Variants in HSD17B2 observed in about 807,000 individuals in gnomAD.
The protein encoded by HSD17B2 is hydroxysteroid 17-beta dehydrogenase 2.
A neutral mutation model predicts 26.9 loss-of-function variants in HSD17B2; 32 were observed. The ratio of observed to expected loss-of-function variants is 1.19; its 90% CI spans 0.90 to 1.60. The LOEUF (loss-of-function observed/expected upper bound fraction) is 1.60, where lower values mean the gene tolerates loss of function less well. Among genes scored for constraint, HSD17B2 ranks in the 40% most tolerant of loss-of-function variants. The pLI is 0.00. For synonymous variants in HSD17B2, 246 were observed against 186.7 expected (o/e 1.32, Z -2.59); for missense variants, 613 against 468.6 (o/e 1.31, Z -2.85).
chr16:82,042,033 C>T (rs1038682453), intron 1 of HSD17B2, among the ~76,000 whole-genome samples: 7 of 150,336 alleles, frequency 4.7e-5, no homozygotes, highest in Admixed American at 6.6e-5. Context: ...CACAGAGTCT[C>T]GCTCTGTCAC....
intron 1 of HSD17B2, among the ~76,000 whole-genome samples, chr16:82,048,230 G>A (rs1159523441): frequency 6.6e-6 from 1 of 152,182 alleles, no homozygotes; most frequent in Non-Finnish European, 1.5e-5. Context: ...GGGCGGTGGG[G>A]TCCACTCATA....
At chr16:82,091,786 T>C (rs1413350386) in intron 4 of HSD17B2, 1 of 152,408 alleles carries the variant, frequency 6.6e-6, no homozygotes, top group Non-Finnish European at 1.5e-5. Context: ...AGGGCTTGGG[T>C]TGCATGGGCC....
intron 1 of HSD17B2, among the ~76,000 whole-genome samples, chr16:82,053,425 TTTTA>T (rs991585511): frequency 1.8e-4 from 27 of 152,098 alleles, no homozygotes; most frequent in Middle Eastern, 3.4e-3. Context: ...GAGTTTTAAT[TTTTA>T]TTTATTTATT....
At chr16:82,085,486 A>T (rs1391737616) in intron 3 of HSD17B2, among the ~76,000 whole-genome samples, 1 of 152,170 alleles carries the variant, frequency 6.6e-6, no homozygotes, top group Non-Finnish European at 1.5e-5. Flanking sequence ...TAAAGTCAGG[A>T]TATGAACCGG....
chr16:82,053,486 A>AT (rs1247974698), intron 1 of HSD17B2, among the ~76,000 whole-genome samples: 1 of 152,118 alleles, frequency 6.6e-6, no homozygotes, highest in East Asian at 1.9e-4. Flanking sequence ...GAAAACTAAG[A>AT]TAAAAAATGC....
At chr16:82,057,248 G>C (rs1340448598) in intron 1 of HSD17B2, among the ~76,000 whole-genome samples, 3 of 150,974 alleles carry the variant, frequency 2.0e-5, no homozygotes, top group African/African-American at 7.3e-5. Context: ...CACCAGGCTA[G>C]AGTGCAGTGG....
intron 3 of HSD17B2, among the ~76,000 whole-genome samples, chr16:82,083,093 G>A (rs577510419): frequency 1.3e-5 from 2 of 152,254 alleles, no homozygotes; most frequent in African/African-American, 2.4e-5. Flanking sequence ...ACTGTTAGAT[G>A]CTTGTTCCAG....
chr16:82,095,896 T>G (rs1477940081), intron 4 of HSD17B2: 1 of 152,226 alleles, frequency 6.6e-6, no homozygotes, highest in Non-Finnish European at 1.5e-5. Flanking sequence ...TATGTATGTT[T>G]GTATGAACAA....
intron 1 of HSD17B2, among the ~76,000 whole-genome samples, chr16:82,036,260 A>C (rs1459224896): frequency 6.6e-6 from 1 of 151,600 alleles, no homozygotes; most frequent in African/African-American, 2.4e-5. Flanking sequence ...AATTGGACCA[A>C]CTTGGCATCG....
At chr16:82,049,523 C>T (rs531904483) in intron 1 of HSD17B2, among the ~76,000 whole-genome samples, 1 of 152,318 alleles carries the variant, frequency 6.6e-6, no homozygotes, top group African/African-American at 2.4e-5. Context: ...AATATATCTC[C>T]TGCTTTGAGT....
intron 3 of HSD17B2, among the ~76,000 whole-genome samples, chr16:82,076,365 A>T: frequency 6.6e-6 from 1 of 152,236 alleles, no homozygotes; most frequent in South Asian, 2.1e-4. Flanking sequence ...GTTATTCCAC[A>T]TAATACTGGA....
intron 1 of HSD17B2, chr16:82,056,410 A>C (rs1914269693): frequency 6.6e-6 from 1 of 152,222 alleles, no homozygotes; most frequent in Admixed American, 6.5e-5. Context: ...ATTAACAAAA[A>C]ATTTCTATTA....
intron 3 of HSD17B2, among the ~76,000 whole-genome samples, chr16:82,075,224 C>G (rs1422550708): frequency 6.6e-6 from 1 of 152,016 alleles, no homozygotes; most frequent in African/African-American, 2.4e-5. Flanking sequence ...TGGCTACCGG[C>G]TATAAGTGCC....
chr16:82,077,919 A>C (rs530828759), intron 3 of HSD17B2, among the ~76,000 whole-genome samples: 40 of 152,356 alleles, frequency 2.6e-4, no homozygotes, highest in Admixed American at 9.8e-4. Flanking sequence ...ACTTAAATCT[A>C]AGACCTCAAA....
At chr16:82,083,265 G>A (rs895429259) in intron 3 of HSD17B2, among the ~76,000 whole-genome samples, 10 of 152,020 alleles carry the variant, frequency 6.6e-5, no homozygotes, top group Non-Finnish European at 8.8e-5. Flanking sequence ...CCTTCCCTCC[G>A]GTGTCCTTCC....
chr16:82,046,335 G>T (rs115324935), intron 1 of HSD17B2, among the ~76,000 whole-genome samples: 1 of 152,112 alleles, frequency 6.6e-6, no homozygotes, highest in Non-Finnish European at 1.5e-5. Flanking sequence ...GAGCCACCTT[G>T]TATCAGAGGC....
chr16:82,059,290 G>A (rs1204766556), intron 1 of HSD17B2, among the ~76,000 whole-genome samples: 1 of 152,230 alleles, frequency 6.6e-6, no homozygotes, highest in East Asian at 1.9e-4. Flanking sequence ...ATGTTGAGAA[G>A]CATCCCTGGC....
chr16:82,075,358 G>T (rs1904295386), intron 3 of HSD17B2, among the ~76,000 whole-genome samples: 2 of 151,836 alleles, frequency 1.3e-5, no homozygotes, highest in African/African-American at 4.8e-5. Context: ...TATTAGAGCA[G>T]AAATAAATAA....
In HSD17B2 at chr16:82,068,202, A is replaced by C. The variant is rs374271716; in HGVS notation, c.298A>C (p.Lys100Gln). 3.2e-5 allele frequency: 52 copies of C among 1,614,106 alleles called. No homozygotes were observed. In the African/African-American group the frequency reaches 6.7e-4, roughly 21 times the overall value. The change falls in exon 2 of 5, where the codon AAG becomes CAG. Residue 100 changes from lysine (K) to glutamine (Q), a missense_variant. Physicochemically the swap from Lys to Gln is moderately conservative, Grantham distance 53. Transcript: ENST00000199936. ...GDCGLGHALCKYLDELGFTVF... is the reference protein window; with the variant it reads ...GDCGLGHALCQYLDELGFTVF... The stretch of plus-strand genomic sequence containing the variant: ...TTGCGGGCTTGGCCATGCTTTGTGC[A>C]AGTATCTGGATGAGCTGGGCTTCAC...
Sources: gnomAD v4.1 joint callset for allele counts (sites outside exome capture counted in the v4.1 genomes callset) on GRCh38, gnomAD v4.1.1 for gene constraint, MANE v1.5 for transcripts, NCBI Gene and HGNC (gene_info 2026-07-23, HGNC 2026-07-21) for gene names.